Variants in FBRSL1 observed in about 807,000 individuals in gnomAD.
FBRSL1 encodes the protein fibrosin-1-like protein.
Under a neutral mutation model 89.6 loss-of-function variants are expected in FBRSL1, and 51 were observed. The observed-to-expected ratio is 0.57, with a 90% CI of 0.45 to 0.72. FBRSL1 has a LOEUF of 0.72. Among genes scored for constraint, FBRSL1 ranks in the 30% least tolerant of loss-of-function variants. The probability of loss-of-function intolerance (pLI) is 0.00; values close to 1 mark genes in which losing one functional copy is unlikely to be tolerated. For missense variants in FBRSL1, 1,618 were observed against 1,451.8 expected (o/e 1.11, Z -1.86); for synonymous variants, 779 against 681.1 (o/e 1.14, Z -2.24).
intron 8 of FBRSL1, 82 bp from the exon 9 acceptor site, chr12:132,570,986 G>C (rs919963031): frequency 1.1e-6 from 1 of 915,740 alleles, no homozygotes; most frequent in African/African-American, 1.8e-5. Flanking sequence ...CCGTGTCCCG[G>C]GATGGGACCA....
chr12:132,539,318 GA>G (rs2037022986), intron 4 of FBRSL1, among the ~76,000 whole-genome samples: 1 of 144,218 alleles, frequency 6.9e-6, no homozygotes. Context: ...CCTCCAGCCC[GA>G]TGCCCACCCA....
intron 1 of FBRSL1, chr12:132,507,483 G>C: frequency 1.1e-6 from 1 of 945,990 alleles, no homozygotes; most frequent in Non-Finnish European, 1.3e-6. Context: ...GAGTGTCCTG[G>C]GGCTGTCCGC....
intron 3 of FBRSL1, 119 bp downstream of exon 3, chr12:132,525,942 G>A (rs1389523648): frequency 3.7e-6 from 3 of 815,352 alleles, no homozygotes; most frequent in East Asian, 2.7e-5. Flanking sequence ...CTGCACAAGG[G>A]CGTCCAGTCC....
intron 11 of FBRSL1, 109 bp downstream of exon 11, chr12:132,572,731 C>A: frequency 6.4e-6 from 5 of 784,774 alleles, no homozygotes; most frequent in Non-Finnish European, 1.0e-5. Flanking sequence ...CCCTTTCCCT[C>A]CCTTGTACCT....
At chr12:132,571,449 C>T (rs2040001294) in intron 9 of FBRSL1, 2 of 1,550,782 alleles carry the variant, frequency 1.3e-6, no homozygotes, top group East Asian at 4.9e-5. Flanking sequence ...CGCACCAACA[C>T]ACACACCAGC....
intron 1 of FBRSL1, among the ~76,000 whole-genome samples, chr12:132,498,055 C>A (rs1313487475): frequency 6.6e-6 from 1 of 152,154 alleles, no homozygotes; most frequent in Non-Finnish European, 1.5e-5. Context: ...CCGTCACAGC[C>A]TGGCTGGCTG....
chr12:132,526,378 C>T (rs1274507286), intron 3 of FBRSL1, among the ~76,000 whole-genome samples: 2 of 152,230 alleles, frequency 1.3e-5, no homozygotes, highest in Non-Finnish European at 1.5e-5. Flanking sequence ...CTGGGACTGC[C>T]GCTGCCTTGG....
intron 2 of FBRSL1, among the ~76,000 whole-genome samples, chr12:132,519,455 T>C (rs1181027318): frequency 6.6e-6 from 1 of 152,212 alleles, no homozygotes; most frequent in Non-Finnish European, 1.5e-5. Flanking sequence ...TTTCCCTCAT[T>C]CTGGAGCTTC....
In FBRSL1 at chr12:132,579,923, G is replaced by A. The variant is rs534473387; in HGVS notation, c.1835-1516G>A. Among the ~76,000 whole-genome samples the A allele has an allele frequency of 7.9e-5, 12 of 152,172 alleles. No individual in the cohort carries two copies. The East Asian group carries it at 1.9e-3, about 24-fold the overall frequency. ...TTCTTCTGGCATCGGTTTCAGTAAC[G>A]CGAGTGTTTCCAGTAAGTTGATTTG... is the stretch of plus-strand genomic sequence containing the variant. On this transcript the variant is annotated intron_variant, in intron 15 of 18. Coordinates refer to ENST00000680143, the MANE Select transcript of FBRSL1 (RefSeq NM_001367871.1).
chr12:132,511,045 G>T, intron 2 of FBRSL1: 1 of 986,104 alleles, frequency 1.0e-6, no homozygotes, highest in Non-Finnish European at 1.2e-6. Flanking sequence ...GCCCAGTGGC[G>T]AATGGTGAAG....
chr12:132,515,936 A>T (rs2034803240), intron 2 of FBRSL1, among the ~76,000 whole-genome samples: 1 of 151,730 alleles, frequency 6.6e-6, no homozygotes. Context: ...TAAGGTAGGA[A>T]ACAGACAATA....
intron 3 of FBRSL1, among the ~76,000 whole-genome samples, chr12:132,527,170 G>T (rs2035857370): frequency 1.3e-5 from 2 of 151,978 alleles, no homozygotes; most frequent in Non-Finnish European, 2.9e-5. Flanking sequence ...CCTCCCGGAA[G>T]CCTTCCTTGT....
At position 132,583,583 on chromosome 12, in the gene FBRSL1, G is replaced by A. The variant is rs2040945800; in HGVS notation, c.2814G>A (p.Leu938=). 3 of 1,000,886 alleles carry A rather than the reference G, an allele frequency of 3.0e-6. No individual in the cohort carries two copies. The highest frequency in any genetic ancestry group is 1.2e-6 in the Non-Finnish European group (1 of 840,906). The allele number at this position is 1,000,886 out of a possible 1,614,324, so 62.0% of individuals were successfully genotyped here. A position where few individuals can be genotyped will look rare whatever the true frequency, so the allele number is the denominator to read the frequency against. ...LHFPRLSPAA[L]HNGLLARTPP... ...TCCCGCGCCTCTCGCCCGCCGCGCT[G>A]CACAATGGGCTCCTGGCGCGGACCC... Residue 938 remains leucine, a synonymous_variant, in exon 19 of 19, where the codon CTG becomes CTA. Transcript: ENST00000680143.
At position 132,583,502 on chromosome 12, in the gene FBRSL1, G is replaced by A. The variant is rs1342877072; in HGVS notation, c.2733G>A (p.Pro911=). The A allele has an allele frequency of 2.9e-6, 3 of 1,042,814 alleles. No individual in the cohort carries two copies. The highest frequency in any genetic ancestry group is 3.5e-6 in the Non-Finnish European group (3 of 866,722). 64.6% of individuals were successfully genotyped at this position (1,042,814 alleles called of 1,614,324 possible). The change falls in exon 19 of 19, where the codon CCG becomes CCA. Residue 911 remains proline, a synonymous_variant. Coordinates refer to ENST00000680143, the MANE Select transcript of FBRSL1 (RefSeq NM_001367871.1). ...AGCGCGCGCGGGCCCCGCACCTGCC[G>A]CCCGCCGCCCCCGCCTTGGACGGCG... The part of the protein sequence containing the change: ...ELERARAPHL[P]PAAPALDGAL...
intron 4 of FBRSL1, among the ~76,000 whole-genome samples, chr12:132,528,670 G>A (rs940899135): frequency 2.2e-4 from 34 of 152,094 alleles, no homozygotes; most frequent in African/African-American, 8.2e-4. Flanking sequence ...CCTCCCCGTG[G>A]GTGCACGGGT....
At chr12:132,531,725 C>T (rs1187761243) in intron 4 of FBRSL1, among the ~76,000 whole-genome samples, 2 of 152,160 alleles carry the variant, frequency 1.3e-5, no homozygotes, top group African/African-American at 4.8e-5. Flanking sequence ...CACGTGTGCA[C>T]CCCTTGCCAC....
chr12:132,500,669 G>A (rs1441588287), intron 1 of FBRSL1, among the ~76,000 whole-genome samples: 1 of 152,098 alleles, frequency 6.6e-6, no homozygotes, highest in Non-Finnish European at 1.5e-5. Context: ...ATCCAGCCCG[G>A]GACAGCCCAT....
intron 4 of FBRSL1, among the ~76,000 whole-genome samples, chr12:132,535,504 G>A (rs900086086): frequency 7.2e-5 from 11 of 152,256 alleles, no homozygotes; most frequent in African/African-American, 2.7e-4. Context: ...GTGTGAAGAG[G>A]TGAGCGGAGC....
chr12:132,510,613 T>C, intron 2 of FBRSL1: 1 of 1,230,682 alleles, frequency 8.1e-7, no homozygotes, highest in Non-Finnish European at 1.0e-6. Flanking sequence ...TCGTTGGAAA[T>C]TGAGGCTCGG....
Sources: allele counts gnomAD v4.1 joint callset (sites outside exome capture counted in the v4.1 genomes callset), GRCh38; gene constraint gnomAD v4.1.1; transcripts MANE v1.5; gene names NCBI Gene and HGNC (gene_info 2026-07-23, HGNC 2026-07-21).